Variants in CLEC12A observed in about 807,000 individuals in gnomAD.
CLEC12A encodes C-type lectin domain family 12 member A.
Under a neutral mutation model 26.5 loss-of-function variants are expected in CLEC12A, and 22 were observed. That is an observed-to-expected ratio of 0.83 (90% CI 0.59 to 1.19). CLEC12A has a LOEUF of 1.19. Ranked by LOEUF, CLEC12A falls within the 50% of genes most tolerant of loss-of-function variation. CLEC12A has a pLI of 0.00. For missense variants in CLEC12A, 353 were observed against 315.6 expected (o/e 1.12, Z -0.90); for synonymous variants, 119 against 101.9 (o/e 1.17, Z -1.01).
In CLEC12A at chr12:9,984,888, T is replaced by C. The variant is rs201603905; in HGVS notation, c.660T>C (p.Pro220=). ...NSSAWVIRNA[P]DLNNMYCGYI... ...CTTTCAGGGTTATAAGAAACGCACCTGACTTAAATAACATGTATTGTGGAT... is the reference window on the plus strand; with the variant it reads ...CTTTCAGGGTTATAAGAAACGCACCCGACTTAAATAACATGTATTGTGGAT... Residue 220 remains proline, a synonymous_variant, in exon 6 of 6, where the codon CCT becomes CCC. Transcript: ENST00000304361. 8.5e-5 allele frequency: 130 copies of C among 1,533,204 alleles called. 2 individuals carry two copies. In the East Asian group the frequency reaches 2.3e-3, roughly 27 times the overall value. The allele number at this position is 1,533,204 out of a possible 1,614,324, so 95.0% of individuals were successfully genotyped here. A position where few individuals can be genotyped will look rare whatever the true frequency, so the allele number is the denominator to read the frequency against.
At chr12:9,990,921 T>A (rs1864877929) in intron 4 of CLEC12A, 1 of 152,206 alleles carries the variant, frequency 6.6e-6, no homozygotes, top group African/African-American at 2.4e-5. Context: ...AAAAAGATTT[T>A]CACTCACTAA....
chr12:9,961,122 G>A (rs1374275786), intron 1 of CLEC12A, among the ~76,000 whole-genome samples: 2 of 152,256 alleles, frequency 1.3e-5, no homozygotes, highest in East Asian at 1.9e-4. Context: ...TTATCTAAAG[G>A]TCTGGAATCA....
chr12:9,980,350 G>T (rs1280442003), intron 3 of CLEC12A, among the ~76,000 whole-genome samples: 2 of 150,884 alleles, frequency 1.3e-5, no homozygotes, highest in Non-Finnish European at 3.0e-5. Context: ...AGGCAGGAGA[G>T]TCACTTGAAT....
chr12:9,998,202 T>C (rs775843649), downstream of CLEC12A: 19 of 1,053,616 alleles, frequency 1.8e-5, 1 homozygote, highest in South Asian at 5.0e-5. Flanking sequence ...ATAGCGACCA[T>C]TGAGAAGCTT....
At chr12:9,953,399 AGGGAGGTGGGGGGGTCAGCCCCCCGCCTG>A (rs1863675212) in intron 1 of CLEC12A, 2 of 50,530 alleles carry the variant, frequency 4.0e-5, no homozygotes, top group Admixed American at 2.1e-4. Flanking sequence ...CCCGTCCGGG[AGGGAGGTGGGGGGGTCAGCCCCCCGCCTG>A]GCCAGCCGCC....
intron 1 of CLEC12A, among the ~76,000 whole-genome samples, chr12:9,962,560 A>G (rs1863852331): frequency 1.3e-5 from 2 of 152,020 alleles, no homozygotes; most frequent in Non-Finnish European, 1.5e-5. Context: ...ATAGGGGTGG[A>G]GCTGTTTTAT....
intron 1 of CLEC12A, among the ~76,000 whole-genome samples, chr12:9,965,050 G>C (rs1863905962): frequency 6.6e-6 from 1 of 152,234 alleles, no homozygotes; most frequent in Non-Finnish European, 1.5e-5. Flanking sequence ...GCGTCAGGTG[G>C]GAGAAAGAAA....
At chr12:9,994,469 T>C (rs1480723731) in intron 4 of CLEC12A, among the ~76,000 whole-genome samples, 2 of 152,154 alleles carry the variant, frequency 1.3e-5, no homozygotes, top group Non-Finnish European at 2.9e-5. Context: ...GTTATCAGTT[T>C]AAATTTTAAT....
At chr12:9,970,092 C>CT (rs1279130931), upstream of CLEC12A, among the ~76,000 whole-genome samples, 3 of 152,148 alleles carry the variant, frequency 2.0e-5, no homozygotes, top group Non-Finnish European at 4.4e-5. Context: ...TATTCAATAG[C>CT]TTTTTCTTTA....
At chr12:9,988,873 A>G (rs923722123), downstream of CLEC12A, among the ~76,000 whole-genome samples, 7 of 152,208 alleles carry the variant, frequency 4.6e-5, no homozygotes. Context: ...GTATATACCC[A>G]AAGGATTATA....
intron 1 of CLEC12A, among the ~76,000 whole-genome samples, chr12:9,963,866 G>A (rs649443): frequency 0.85 from 128,812 of 151,992 alleles, 54,934 homozygotes; most frequent in Middle Eastern, 0.91. Flanking sequence ...ATGGGGACTG[G>A]TGGGGTAACT....
At chr12:9,964,136 A>T (rs1258306452) in intron 1 of CLEC12A, among the ~76,000 whole-genome samples, 1 of 152,146 alleles carries the variant, frequency 6.6e-6, no homozygotes, top group Non-Finnish European at 1.5e-5. Context: ...AGTTGATACA[A>T]GGAGAAAGGT....
At chr12:9,971,406 T>C, upstream of CLEC12A, 1 of 1,215,058 alleles carries the variant, frequency 8.2e-7, no homozygotes, top group Non-Finnish European at 1.0e-6. Flanking sequence ...ACAGATGAGA[T>C]TTGGCTCATT....
At chr12:9,992,968 G>T in intron 4 of CLEC12A, 1 of 551,754 alleles carries the variant, frequency 1.8e-6, no homozygotes, top group Non-Finnish European at 3.2e-6. Flanking sequence ...TCACGTGATG[G>T]CTTCTGTATA....
intron 1 of CLEC12A, among the ~76,000 whole-genome samples, chr12:9,964,653 T>C (rs1169357632): frequency 2.6e-5 from 4 of 151,436 alleles, no homozygotes; most frequent in Non-Finnish European, 5.9e-5. Flanking sequence ...CTGAATAATC[T>C]ATGAGGAGGA....
At chr12:9,995,007 G>C (rs1865002602) in intron 4 of CLEC12A, 1 of 1,566,130 alleles carries the variant, frequency 6.4e-7, no homozygotes, top group Non-Finnish European at 8.6e-7. Flanking sequence ...GCGCTGTCTT[G>C]TTTGAATTAG....
the CLEC12A span, among the ~76,000 whole-genome samples, chr12:10,002,017 G>T: frequency 6.6e-6 from 1 of 151,388 alleles, no homozygotes; most frequent in South Asian, 2.1e-4. Context: ...GTAGCTGGGA[G>T]TACAGGCGCC....
chr12:9,999,965 G>C (rs1227072405), downstream of CLEC12A, among the ~76,000 whole-genome samples: 1 of 152,124 alleles, frequency 6.6e-6, no homozygotes, highest in African/African-American at 2.4e-5. Flanking sequence ...TTTATGAAAT[G>C]GGCTTTTACA....
upstream of CLEC12A, among the ~76,000 whole-genome samples, chr12:9,967,850 G>T (rs1349977502): frequency 6.6e-6 from 1 of 152,202 alleles, no homozygotes; most frequent in Non-Finnish European, 1.5e-5. Flanking sequence ...ACCAAGGCAG[G>T]TGTCCCCACA....
Sources: allele counts gnomAD v4.1 joint callset (sites outside exome capture counted in the v4.1 genomes callset), GRCh38; gene constraint gnomAD v4.1.1; transcripts MANE v1.5; gene names NCBI Gene and HGNC (gene_info 2026-07-23, HGNC 2026-07-21).